The following RGMA variants were observed in gnomAD, a reference collection of about 807,000 sequenced individuals.
RGMA encodes the protein repulsive guidance molecule A.
RGMA carries 10 observed loss-of-function variants against 23.2 expected under a neutral mutation model. The ratio of observed to expected loss-of-function variants is 0.43; its 90% CI spans 0.27 to 0.73. RGMA has a LOEUF of 0.73. Ranked by LOEUF, RGMA falls within the 30% of genes least tolerant of loss-of-function variation. RGMA has a pLI of 0.20. For missense variants in RGMA, 547 were observed against 630.5 expected, an observed-to-expected ratio of 0.87 and a Z score of 1.42; for synonymous variants, 308 against 279.3, an observed-to-expected ratio of 1.10 and a Z score of -1.03.
intron 2 of RGMA, among the ~76,000 whole-genome samples, chr15:93,055,669 CTG>C (rs1480771082): frequency 1.3e-5 from 2 of 152,238 alleles, no homozygotes; most frequent in South Asian, 4.1e-4. Flanking sequence ...TCTTATGACA[CTG>C]TGCTCCCAGG....
rs778211910 is a variant in RGMA at position 93,038,571 on chromosome 15, T to TG, written c.*6426_*6427insC. 2 of 116,234 alleles carry TG rather than the reference T, an allele frequency of 1.7e-5. No homozygotes were observed. The highest frequency in any genetic ancestry group is 9.6e-5 in the African/African-American group (2 of 20,838). The allele number at this position is 116,234 out of a possible 1,614,324, so 7.2% of individuals were successfully genotyped here. ...CTTAATGAACGAAACTGTTAGTTGT[T>TG]TTTTTTTTTTTTTTGAGACGGTGTC... On this transcript the variant is annotated 3_prime_UTR_variant, in exon 4 of 4. Transcript: ENST00000329082.
At chr15:93,057,443 G>A (rs1186823447) in intron 2 of RGMA, among the ~76,000 whole-genome samples, 2 of 152,134 alleles carry the variant, frequency 1.3e-5, no homozygotes, top group Non-Finnish European at 2.9e-5. Context: ...CTTCTGCCAC[G>A]TGAGGATATA....
At chr15:93,087,912 T>C (rs1001180860) in intron 1 of RGMA, among the ~76,000 whole-genome samples, 4 of 152,088 alleles carry the variant, frequency 2.6e-5, no homozygotes, top group Non-Finnish European at 5.9e-5. Flanking sequence ...TGTAGCCTCC[T>C]TCCTGGAGGC....
At chr15:93,047,609 G>A (rs939748487) in intron 3 of RGMA, among the ~76,000 whole-genome samples, 2 of 151,358 alleles carry the variant, frequency 1.3e-5, no homozygotes, top group African/African-American at 4.9e-5. Context: ...TGGCCAGCTA[G>A]CTGGCTGGCT....
intron 3 of RGMA, among the ~76,000 whole-genome samples, chr15:93,051,631 G>T (rs1567181391): frequency 6.6e-6 from 1 of 152,234 alleles, no homozygotes; most frequent in Non-Finnish European, 1.5e-5. Context: ...GCAGCCCGCA[G>T]TGGCCTCGTG....
chr15:93,069,075 T>C (rs912820536), intron 2 of RGMA, among the ~76,000 whole-genome samples: 2 of 151,714 alleles, frequency 1.3e-5, no homozygotes, highest in African/African-American at 2.4e-5. Flanking sequence ...GGGAGAGCAA[T>C]AGTGTGGTAA....
At chr15:93,052,572 C>A in intron 2 of RGMA, 65 bp from the exon 3 acceptor site, 1 of 1,467,798 alleles carries the variant, frequency 6.8e-7, no homozygotes, top group Non-Finnish European at 9.1e-7. Flanking sequence ...CTGCTACCAT[C>A]TGTGGGCCAG....
At position 93,038,491 on chromosome 15, in the gene RGMA, G is replaced by A. The variant is rs866601988; in HGVS notation, c.*6507C>T. On this transcript the variant is annotated 3_prime_UTR_variant, in exon 4 of 4. Transcript: ENST00000329082. ...CCCCAGTTCTGGCTGGTCAGCCTGG[G>A]AGTATGTCAGGGCAGGGGTGGCGTG... 6.6e-6 allele frequency: 1 copy of A among 152,006 alleles called. No individual in the cohort carries two copies. Among genetic ancestry groups the A allele is most frequent in the Non-Finnish European group, 1.5e-5 (1 of 68,020 alleles). The allele number at this position is 152,006 out of a possible 1,614,324, so 9.4% of individuals were successfully genotyped here.
chr15:93,047,481 C>T (rs2054842463), intron 3 of RGMA, among the ~76,000 whole-genome samples: 1 of 152,254 alleles, frequency 6.6e-6, no homozygotes, highest in Non-Finnish European at 1.5e-5. Context: ...CTGCTAAAAT[C>T]CCACCTTTAT....
chr15:93,066,419 A>AGGCCGCCGTCGTTGCCAGGGC, intron 2 of RGMA: 1 of 653,200 alleles, frequency 1.5e-6, no homozygotes, highest in Admixed American at 2.0e-5. Context: ...GGGGTTTCCA[A>AGGCCGCCGTCGTTGCCAGGGC]GGCCGCCGTC....
intron 2 of RGMA, among the ~76,000 whole-genome samples, chr15:93,060,569 T>C (rs2141824262): frequency 6.6e-6 from 1 of 152,340 alleles, no homozygotes; most frequent in African/African-American, 2.4e-5. Flanking sequence ...GGTGCTCAGC[T>C]TGGGACCCCT....
intron 2 of RGMA, chr15:93,066,463 CG>C (rs1895155692): frequency 1.8e-6 from 1 of 569,666 alleles, no homozygotes; most frequent in Non-Finnish European, 3.3e-6. Context: ...GCCACGGGTG[CG>C]GGGGCCAGGC....
intron 2 of RGMA, chr15:93,065,702 G>T: frequency 8.4e-7 from 1 of 1,187,028 alleles, no homozygotes; most frequent in Non-Finnish European, 1.2e-6. Flanking sequence ...GGGTGGTTTC[G>T]TGGGCCCTGG....
chr15:93,058,923 A>G (rs2055057308), intron 2 of RGMA, among the ~76,000 whole-genome samples: 2 of 152,108 alleles, frequency 1.3e-5, no homozygotes, highest in South Asian at 4.1e-4. Flanking sequence ...GCTGGGCCTC[A>G]CCCCAGAAAA....
rs557367089 is a variant in RGMA at position 93,072,275 on chromosome 15, T to C, written c.130+641A>G. Among the ~76,000 whole-genome samples the C allele has an allele frequency of 2.6e-5, 4 of 152,332 alleles. No homozygotes were observed. The East Asian group carries it at 7.7e-4, about 30-fold the overall frequency. ...ATTGTGAAAAACTATGGGGGATTCA[T>C]TGGAAACAGATGGGCTTTTTCAGCT... On this transcript the variant is annotated intron_variant, in intron 2 of 3. Coordinates refer to ENST00000329082, the MANE Select transcript of RGMA (RefSeq NM_020211.3).
intron 3 of RGMA, among the ~76,000 whole-genome samples, chr15:93,048,503 C>T (rs1482553081): frequency 6.6e-6 from 1 of 152,122 alleles, no homozygotes; most frequent in Non-Finnish European, 1.5e-5. Context: ...ACCCCAAGCG[C>T]ACAGTTCCTT....
chr15:93,059,266 T>C (rs2055064540), intron 2 of RGMA, among the ~76,000 whole-genome samples: 2 of 152,206 alleles, frequency 1.3e-5, no homozygotes, highest in South Asian at 4.1e-4. Context: ...CAGACCCATC[T>C]GGTCTCAGGG....
chr15:93,048,456 G>A (rs976318002), intron 3 of RGMA, among the ~76,000 whole-genome samples: 2 of 152,112 alleles, frequency 1.3e-5, no homozygotes, highest in Non-Finnish European at 2.9e-5. Context: ...GCGGAGGGTC[G>A]GGGCTCTGCG....
At chr15:93,058,256 G>A (rs1395916010) in intron 2 of RGMA, among the ~76,000 whole-genome samples, 1 of 152,220 alleles carries the variant, frequency 6.6e-6, no homozygotes, top group Non-Finnish European at 1.5e-5. Flanking sequence ...CAGTGGGAGG[G>A]TCTCACCGCA....
Sources: gnomAD v4.1 joint callset for allele counts (sites outside exome capture counted in the v4.1 genomes callset) on GRCh38, gnomAD v4.1.1 for gene constraint, MANE v1.5 for transcripts, NCBI Gene and HGNC (gene_info 2026-07-23, HGNC 2026-07-21) for gene names.